Variants in GLIS3 observed in about 807,000 individuals in gnomAD.
GLIS3 encodes the protein GLIS family zinc finger 3, also known as zinc finger protein GLIS3.
Under a neutral mutation model 78.6 loss-of-function variants are expected in GLIS3, and 53 were observed. The ratio of observed to expected loss-of-function variants is 0.67; its 90% confidence interval spans 0.54 to 0.85. The LOEUF (loss-of-function observed/expected upper bound fraction) is 0.85. Ranked by LOEUF, GLIS3 falls within the 40% of genes least tolerant of loss-of-function variation. The pLI is 0.00. For missense variants in GLIS3, 1,703 were observed against 1,231.1 expected, an observed-to-expected ratio of 1.38 and a Z score of -5.74; for synonymous variants, 684 against 509.9, an observed-to-expected ratio of 1.34 and a Z score of -4.60.
At chr9:3,890,307 G>C (rs1563816897) in intron 7 of GLIS3, among the ~76,000 whole-genome samples, 1 of 152,116 alleles carries the variant, frequency 6.6e-6, no homozygotes, top group East Asian at 1.9e-4. Flanking sequence ...TCAGAAAATG[G>C]GCCTTAGAAT....
At chr9:4,087,826 G>A (rs1023648340) in intron 4 of GLIS3, among the ~76,000 whole-genome samples, 1 of 152,140 alleles carries the variant, frequency 6.6e-6, no homozygotes, top group East Asian at 1.9e-4. Flanking sequence ...GAAGCCTTCA[G>A]TTTCTTCCCA....
intron 4 of GLIS3, among the ~76,000 whole-genome samples, chr9:4,005,978 G>A (rs772089016): frequency 2.2e-4 from 34 of 152,156 alleles, no homozygotes; most frequent in Admixed American, 2.0e-4. Context: ...AGAAATGTGA[G>A]TGTATTTGCC....
intron 2 of GLIS3, among the ~76,000 whole-genome samples, chr9:4,219,646 T>C (rs2131326257): frequency 6.6e-6 from 1 of 152,296 alleles, no homozygotes; most frequent in South Asian, 2.1e-4. Flanking sequence ...CCTAACTTGA[T>C]GTTAGTTAAG....
At chr9:3,951,355 T>C (rs922879968) in intron 4 of GLIS3, among the ~76,000 whole-genome samples, 1 of 152,042 alleles carries the variant, frequency 6.6e-6, no homozygotes, top group African/African-American at 2.4e-5. Flanking sequence ...GAGCCACTTC[T>C]TTTTCTTCTG....
chr9:3,874,414 ATCCTTTATAATG>A (rs909489138), intron 8 of GLIS3, among the ~76,000 whole-genome samples: 4 of 152,172 alleles, frequency 2.6e-5, no homozygotes, highest in African/African-American at 9.7e-5. Flanking sequence ...TTTCATTGGT[ATCCTTTATAATG>A]TCCTTTATAA....
intron 7 of GLIS3, among the ~76,000 whole-genome samples, chr9:3,883,635 A>G (rs1429842453): frequency 6.6e-6 from 1 of 152,184 alleles, no homozygotes; most frequent in Non-Finnish European, 1.5e-5. Flanking sequence ...AATATTAACA[A>G]AACTGTTGTC....
At chr9:4,237,341 T>C (rs1180450358) in intron 2 of GLIS3, among the ~76,000 whole-genome samples, 1 of 152,064 alleles carries the variant, frequency 6.6e-6, no homozygotes, top group East Asian at 1.9e-4. Flanking sequence ...GAAGAATGAA[T>C]AACCACTCAT....
the GLIS3 span, among the ~76,000 whole-genome samples, chr9:4,374,582 G>T: frequency 1.3e-5 from 2 of 152,278 alleles, no homozygotes; most frequent in African/African-American, 4.8e-5. Context: ...CCCTTTCTTG[G>T]GGAACTATTC....
chr9:4,266,012 A>G (rs548840313), intron 2 of GLIS3, among the ~76,000 whole-genome samples: 2 of 151,674 alleles, frequency 1.3e-5, no homozygotes, highest in Non-Finnish European at 2.9e-5. Flanking sequence ...TCCGCCTCCC[A>G]GGTTCACACC....
intron 4 of GLIS3, among the ~76,000 whole-genome samples, chr9:4,069,418 G>A (rs1037199502): frequency 1.3e-5 from 2 of 152,186 alleles, no homozygotes; most frequent in Non-Finnish European, 2.9e-5. Context: ...TTGGAGATAA[G>A]ATACCTATAT....
the GLIS3 span, among the ~76,000 whole-genome samples, chr9:4,353,408 A>T: frequency 6.6e-6 from 1 of 152,180 alleles, no homozygotes. Flanking sequence ...GTGGGAGTTA[A>T]CGAGCAGCAA....
At chr9:4,068,090 A>T (rs1827258060) in intron 4 of GLIS3, among the ~76,000 whole-genome samples, 1 of 152,156 alleles carries the variant, frequency 6.6e-6, no homozygotes, top group Admixed American at 6.5e-5. Flanking sequence ...GAGCTTAGAA[A>T]ATGGAGAAGT....
intron 9 of GLIS3, among the ~76,000 whole-genome samples, chr9:3,854,443 G>C (rs1819625443): frequency 6.6e-6 from 1 of 152,168 alleles, no homozygotes; most frequent in South Asian, 2.1e-4. Flanking sequence ...CTTTGAGCCA[G>C]AACCAATAGC....
the GLIS3 span, among the ~76,000 whole-genome samples, chr9:4,368,800 C>G: frequency 2.0e-5 from 3 of 152,202 alleles, 1 homozygote; most frequent in Non-Finnish European, 4.4e-5. Flanking sequence ...AAGGACCCCT[C>G]TTGCTCTTAA....
intron 2 of GLIS3, among the ~76,000 whole-genome samples, chr9:4,257,798 C>T (rs900076928): frequency 6.6e-6 from 1 of 152,068 alleles, no homozygotes; most frequent in Non-Finnish European, 1.5e-5. Context: ...TGGTCTCGAT[C>T]TCCTGACCTC....
At chr9:4,481,368 C>G in the GLIS3 span, among the ~76,000 whole-genome samples, 4 of 152,174 alleles carry the variant, frequency 2.6e-5, no homozygotes, top group South Asian at 2.1e-4. Context: ...CCTGTAATCC[C>G]AGCTACTCAG....
chr9:3,967,965 C>T (rs776176601), intron 4 of GLIS3, among the ~76,000 whole-genome samples: 1 of 152,154 alleles, frequency 6.6e-6, no homozygotes, highest in Non-Finnish European at 1.5e-5. Flanking sequence ...AATAAGACCC[C>T]ATAAATCATA....
intron 4 of GLIS3, among the ~76,000 whole-genome samples, chr9:3,970,388 T>C (rs905937096): frequency 6.6e-6 from 1 of 152,236 alleles, no homozygotes; most frequent in Non-Finnish European, 1.5e-5. Context: ...AGACTCTTGA[T>C]AATTCATGGA....
At chr9:4,199,367 A>T (rs1029172737) in intron 2 of GLIS3, among the ~76,000 whole-genome samples, 1 of 152,122 alleles carries the variant, frequency 6.6e-6, no homozygotes, top group African/African-American at 2.4e-5. Flanking sequence ...TTTAGAGAAG[A>T]TCTGTCACAC....
Sources: gnomAD v4.1 joint callset for allele counts (sites outside exome capture counted in the v4.1 genomes callset) on GRCh38, gnomAD v4.1.1 for gene constraint, MANE v1.5 for transcripts, NCBI Gene and HGNC (gene_info 2026-07-23, HGNC 2026-07-21) for gene names.